Variants in ABR observed in about 807,000 individuals in gnomAD.
ABR encodes the protein active breakpoint cluster region-related protein.
In ABR, 35 loss-of-function variants were observed where a neutral mutation model predicts 107.2. The ratio of observed to expected loss-of-function variants is 0.33; its 90% CI spans 0.25 to 0.43. The LOEUF (loss-of-function observed/expected upper bound fraction) is 0.43. Among genes scored for constraint, ABR ranks in the 20% least tolerant of loss-of-function variants. The pLI is 1.00. For missense variants in ABR, 815 were observed against 1,115.2 expected (o/e 0.73, Z 3.83); for synonymous variants, 498 against 462.0 (o/e 1.08, Z -1.00).
In ABR at chr17:1,005,408, A is replaced by G; in HGVS notation, c.*672T>C. 1 of 362,040 alleles carries G rather than the reference A, an allele frequency of 2.8e-6. No homozygotes were observed. 22.4% of individuals were successfully genotyped at this position (362,040 alleles called of 1,614,324 possible). On this transcript the variant is annotated 3_prime_UTR_variant, in exon 23 of 23. Coordinates refer to ENST00000302538, the MANE Select transcript of ABR (RefSeq NM_021962.5). ...GTGTGAGTGTGTCTGCTTGTCCAAC[A>G]TTTGCACAGGCAGCAAGGCAAAGCA...
At chr17:1,018,291 C>CCGCG in intron 16 of ABR, among the ~76,000 whole-genome samples, 2 of 152,304 alleles carry the variant, frequency 1.3e-5, no homozygotes, top group East Asian at 3.9e-4. Flanking sequence ...ATTCGCCCAC[C>CCGCG]TCGGCCTCCC....
At position 1,083,535 on chromosome 17, in the gene ABR, G is replaced by A; in HGVS notation, c.624C>T (p.Phe208=). 6.2e-7 allele frequency: 1 copy of A among 1,608,902 alleles called. No homozygotes were observed. The highest frequency in any genetic ancestry group is 8.5e-7 in the Non-Finnish European group (1 of 1,176,248). Residue 208 remains phenylalanine (F), a synonymous_variant, in exon 5 of 23, where the codon TTC becomes TTT. Coordinates refer to ENST00000302538, the MANE Select transcript of ABR (RefSeq NM_021962.5). ...AEKCSQSNNQ[F]QKISEELKVK... Reference sequence around the variant, plus strand: ...AGCGGCCTACCTCTGAGATCTTCTGGAACTGGTTGTTGGACTGGCTGCACT... The same window carrying A: ...AGCGGCCTACCTCTGAGATCTTCTGAAACTGGTTGTTGGACTGGCTGCACT...
chr17:1,170,562 G>A (rs1232917239), intron 1 of ABR, among the ~76,000 whole-genome samples: 1 of 151,986 alleles, frequency 6.6e-6, no homozygotes, highest in Non-Finnish European at 1.5e-5. Context: ...TCAGCCTCCC[G>A]AGTAGCTGGG....
chr17:1,096,524 A>T (rs187707857), intron 3 of ABR, among the ~76,000 whole-genome samples: 2 of 152,122 alleles, frequency 1.3e-5, no homozygotes, highest in East Asian at 3.9e-4. Context: ...TTTCACTCTG[A>T]GGTTTTCTTC....
chr17:1,117,818 C>T (rs2039096171), intron 2 of ABR, among the ~76,000 whole-genome samples: 1 of 98,814 alleles, frequency 1.0e-5, no homozygotes, highest in South Asian at 3.0e-4. Context: ...TGAGTCCTCC[C>T]AGCGTTATCC....
upstream of ABR, among the ~76,000 whole-genome samples, chr17:1,189,331 A>G (rs1449066560): frequency 6.6e-6 from 1 of 150,970 alleles, no homozygotes; most frequent in African/African-American, 2.4e-5. Context: ...CTCTCTTACT[A>G]AGACCTGTCT....
intron 4 of ABR, among the ~76,000 whole-genome samples, chr17:1,085,718 A>T (rs1435620054): frequency 6.6e-6 from 1 of 152,230 alleles, no homozygotes; most frequent in African/African-American, 2.4e-5. Context: ...AAGCCTTAGT[A>T]TGTAAAAGAG....
At chr17:1,062,410 G>C (rs2034092424) in intron 10 of ABR, among the ~76,000 whole-genome samples, 1 of 142,538 alleles carries the variant, frequency 7.0e-6, no homozygotes, top group South Asian at 2.3e-4. Context: ...AGACACTGTT[G>C]TTACGTGAAC....
intron 16 of ABR, among the ~76,000 whole-genome samples, chr17:1,036,515 G>C (rs1474230403): frequency 6.6e-6 from 1 of 152,172 alleles, no homozygotes; most frequent in South Asian, 2.1e-4. Context: ...TGCTGGAGGA[G>C]AGCAGGGCGG....
At chr17:1,136,485 T>C (rs57094167) in intron 1 of ABR, among the ~76,000 whole-genome samples, 17,343 of 152,208 alleles carry the variant, frequency 0.11, 1,191 homozygotes, top group Middle Eastern at 0.2. Flanking sequence ...CACCTCGGCC[T>C]CCCACAGTGC....
chr17:1,023,126 C>T (rs1163071530), intron 16 of ABR, among the ~76,000 whole-genome samples: 1 of 150,988 alleles, frequency 6.6e-6, no homozygotes, highest in Non-Finnish European at 1.5e-5. Flanking sequence ...ACTACAGCGC[C>T]TCTGCCGGCC....
At chr17:1,151,092 A>G (rs2040775370) in intron 1 of ABR, among the ~76,000 whole-genome samples, 1 of 152,186 alleles carries the variant, frequency 6.6e-6, no homozygotes, top group Non-Finnish European at 1.5e-5. Context: ...GGCAAGTCAC[A>G]TAACCTCTCT....
rs9904415 is a variant in ABR, at chr17:1,018,266, T to C, written c.1792-5102A>G. Among the ~76,000 whole-genome samples, 1,057 of 151,882 alleles carry C rather than the reference T, an allele frequency of 7.0e-3. 14 individuals are homozygous for C. Among genetic ancestry groups the C allele is most frequent in the African/African-American group, 0.024 (983 of 41,422 alleles). On this transcript the variant is annotated intron_variant, in intron 16 of 22. Coordinates refer to ENST00000302538, the MANE Select transcript of ABR (RefSeq NM_021962.5). ...ACCGTGTTAGCCAGGATGGTCTTGA[T>C]CTCCTGACCTCGTGATTCGCCCACC...
chr17:1,180,279 C>T (rs1039960682), upstream of ABR, among the ~76,000 whole-genome samples: 1 of 151,970 alleles, frequency 6.6e-6, no homozygotes, highest in African/African-American at 2.4e-5. Flanking sequence ...CGTGGGGGGC[C>T]CGGGAGCCCA....
At chr17:1,044,482 T>C (rs1476791256) in intron 16 of ABR, among the ~76,000 whole-genome samples, 1 of 152,000 alleles carries the variant, frequency 6.6e-6, no homozygotes, top group African/African-American at 2.4e-5. Context: ...AAACCCTGTC[T>C]CTACTACTAC....
In ABR at chr17:1,084,024, G is replaced by A. The variant is rs1597733402; in HGVS notation, c.532-397C>T. 6.6e-6 allele frequency among the ~76,000 whole-genome samples: 1 copy of A among 152,276 alleles called. No homozygotes were observed. Among genetic ancestry groups the A allele is most frequent in the East Asian group, 1.9e-4 (1 of 5,168 alleles). On this transcript the variant is annotated intron_variant, in intron 4 of 22. Coordinates refer to ENST00000302538, the MANE Select transcript of ABR (RefSeq NM_021962.5). This position sits in a 1 kb window ranked among gnomAD's most constrained non-coding sequence, Gnocchi z 4.2. ...CCGGAGCAGGGAGAGAGGGGGGTGT[G>A]TGTGCTGGGGGGAGCTGGCACGTGT...
At chr17:1,056,882 G>T in intron 13 of ABR, 116 bp downstream of exon 13, 1 of 702,238 alleles carries the variant, frequency 1.4e-6, no homozygotes, top group Non-Finnish European at 2.6e-6. Flanking sequence ...TCTCAGCACA[G>T]CCGAGCAGGG....
chr17:1,173,637 C>T (rs1901089394), intron 1 of ABR, among the ~76,000 whole-genome samples: 1 of 152,118 alleles, frequency 6.6e-6, no homozygotes, highest in South Asian at 2.1e-4. Flanking sequence ...GGCCAGCTGA[C>T]AGGTTTCAGC....
upstream of ABR, among the ~76,000 whole-genome samples, chr17:1,180,717 G>C (rs1429769128): frequency 1.3e-5 from 2 of 152,220 alleles, no homozygotes; most frequent in African/African-American, 4.8e-5. Flanking sequence ...GTGGGAAGTC[G>C]GGTCAAGAGG....
Sources: allele counts gnomAD v4.1 joint callset (sites outside exome capture counted in the v4.1 genomes callset), GRCh38; gene constraint gnomAD v4.1.1; non-coding constraint Gnocchi (gnomAD v3.1); transcripts MANE v1.5; gene names NCBI Gene and HGNC (gene_info 2026-07-23, HGNC 2026-07-21).